The following DYNC2H1 variants were observed in gnomAD, a reference collection of about 807,000 sequenced individuals.
The protein encoded by DYNC2H1 is cytoplasmic dynein 2 heavy chain 1.
A neutral mutation model predicts 570.0 loss-of-function variants in DYNC2H1; 410 were observed. The observed-to-expected ratio is 0.72, with a 90% confidence interval of 0.66 to 0.78. DYNC2H1 has a LOEUF of 0.78. Ranked by LOEUF, DYNC2H1 falls within the 30% of genes least tolerant of loss-of-function variation. DYNC2H1 has a pLI of 0.00. For missense variants in DYNC2H1, 4,865 were observed against 5,046.4 expected (o/e 0.96, Z 1.09); for synonymous variants, 1,688 against 1,677.6 (o/e 1.01, Z -0.15).
chr11:103,342,578 C>T (rs989695087), intron 82 of DYNC2H1, among the ~76,000 whole-genome samples: 11 of 151,566 alleles, frequency 7.3e-5, no homozygotes, highest in African/African-American at 2.7e-4. Context: ...TCTCGGCTCA[C>T]TGCAAGCTCC....
In DYNC2H1 at chr11:103,321,080, T is replaced by C; in HGVS notation, c.11777T>C (p.Ile3926Thr). The change falls in exon 81 of 89, where the codon ATT becomes ACT. Residue 3926 changes from isoleucine to threonine, a missense_variant. This residue lies in a region of DYNC2H1 where 2,401 missense variants were observed against 2,454.6 expected (regional missense o/e 0.98). Transcript: ENST00000375735. The part of the protein sequence containing the change: ...EFVHGLLENA[I>T]YGGRIDNYFD... The stretch of plus-strand genomic sequence containing the variant: ...GTACATGGTTTACTTGAAAATGCTA[T>C]TTATGGAGGACGTATAGACAACTAT... 6.2e-7 allele frequency: 1 copy of C among 1,612,878 alleles called. No homozygotes were observed. Among genetic ancestry groups the C allele is most frequent in the Non-Finnish European group, 8.5e-7 (1 of 1,179,392 alleles).
chr11:103,347,976 G>A (rs1472701211), intron 82 of DYNC2H1, among the ~76,000 whole-genome samples: 1 of 152,146 alleles, frequency 6.6e-6, no homozygotes, highest in Admixed American at 6.6e-5. Context: ...GGAAGTCGGT[G>A]ATTGCCTAGT....
intron 70 of DYNC2H1, among the ~76,000 whole-genome samples, chr11:103,278,034 T>G (rs1232327306): frequency 6.6e-6 from 1 of 152,184 alleles, no homozygotes; most frequent in African/African-American, 2.4e-5. Flanking sequence ...TGTTTTCCTC[T>G]AAGGCAGCCA....
Position 103,179,232 on chromosome 11 carries a change from A to C in DYNC2H1, c.6346A>C (p.Ser2116Arg), listed in dbSNP as rs1363948956. The C allele has an allele frequency of 3.7e-6, 6 of 1,612,428 alleles. No individual in the cohort carries two copies. The highest frequency in any genetic ancestry group is 5.1e-6 in the Non-Finnish European group (6 of 1,178,824). The change falls in exon 39 of 89, where the codon AGT becomes CGT. Residue 2116 changes from serine to arginine, a missense_variant and splice_region_variant. Physicochemically the swap from Ser to Arg is moderately radical, Grantham distance 110 (BLOSUM62 -1). Transcript: ENST00000375735. The part of the protein sequence containing the change: ...TISRMGMIFL[S>R]DEETDLNSLI... ...ATCTAGAATGGGAATGATCTTTCTT[A>C]GGTAAGCCATAGATTATTTATATAC...
At chr11:103,311,214 T>C (rs1867572818) in intron 78 of DYNC2H1, among the ~76,000 whole-genome samples, 1 of 152,178 alleles carries the variant, frequency 6.6e-6, no homozygotes, top group Admixed American at 6.5e-5. Context: ...TTTTTTAATA[T>C]TAGAATTCTT....
Position 103,277,176 on chromosome 11 carries a change from CA to C in DYNC2H1, c.10696-3171del, listed in dbSNP as rs1865946947. Among the ~76,000 whole-genome samples, 1 of 151,970 alleles carries C rather than the reference CA, an allele frequency of 6.6e-6. No homozygotes were observed. Among genetic ancestry groups the C allele is most frequent in the Non-Finnish European group, 1.5e-5 (1 of 67,966 alleles). On this transcript the variant is annotated intron_variant, in intron 70 of 88. Coordinates refer to ENST00000375735, the MANE Select transcript of DYNC2H1 (RefSeq NM_001377.3). The surrounding 1 kb of genome is among the most constrained non-coding windows in gnomAD (Gnocchi z 4.3). Reference sequence around the variant, plus strand: ...TTACCCCCTTTTAGACCTTATATAACAGGTGTTAAAAATTTGGTTTTATTCT... The same window carrying C: ...TTACCCCCTTTTAGACCTTATATAACGGTGTTAAAAATTTGGTTTTATTCT...
At chr11:103,434,069 C>T (rs1186012255) in intron 84 of DYNC2H1, among the ~76,000 whole-genome samples, 1 of 152,066 alleles carries the variant, frequency 6.6e-6, no homozygotes, top group Non-Finnish European at 1.5e-5. Flanking sequence ...TGGATTCTAA[C>T]CTCTGAATTA....
intron 84 of DYNC2H1, among the ~76,000 whole-genome samples, chr11:103,424,519 A>G (rs1021222450): frequency 5.3e-5 from 8 of 152,184 alleles, no homozygotes; most frequent in Non-Finnish European, 1.0e-4. Context: ...TGAATGTTCA[A>G]AGCAACTTAA....
chr11:103,449,097 T>C (rs1944516048), intron 85 of DYNC2H1, among the ~76,000 whole-genome samples: 1 of 152,142 alleles, frequency 6.6e-6, no homozygotes, highest in South Asian at 2.1e-4. Flanking sequence ...CAGGTAAATG[T>C]CTGGTAGAAG....
chr11:103,347,226 G>A (rs1277411561), intron 82 of DYNC2H1, among the ~76,000 whole-genome samples: 1 of 152,106 alleles, frequency 6.6e-6, no homozygotes, highest in Non-Finnish European at 1.5e-5. Context: ...AGGCAAAAGA[G>A]GCAAGCGAGA....
At chr11:103,342,664 G>A (rs1414744356) in intron 82 of DYNC2H1, among the ~76,000 whole-genome samples, 5 of 151,914 alleles carry the variant, frequency 3.3e-5, no homozygotes, top group Non-Finnish European at 5.9e-5. Context: ...CACCATGCCC[G>A]GCTAATTTTT....
intron 78 of DYNC2H1, among the ~76,000 whole-genome samples, chr11:103,309,993 A>G (rs1390496762): frequency 6.6e-6 from 1 of 152,130 alleles, no homozygotes; most frequent in Non-Finnish European, 1.5e-5. Flanking sequence ...AATTTTAACT[A>G]TCTTAGCTTA....
Position 103,304,686 on chromosome 11 carries a change from A to G in DYNC2H1, c.11348A>G (p.His3783Arg). ...NGDWLCLKNL[H>R]LVVSWLPVLE... ...GACTGGCTCTGTTTGAAGAACTTAC[A>G]TCTTGTGGTATCTTGGCTGCCAGTT... Residue 3783 changes from histidine to arginine, a missense_variant, in exon 77 of 89, where the codon CAT becomes CGT. Transcript: ENST00000375735. The G allele has an allele frequency of 1.2e-6, 2 of 1,613,034 alleles. No individual in the cohort carries two copies. Among genetic ancestry groups the G allele is most frequent in the Non-Finnish European group, 1.7e-6 (2 of 1,179,306 alleles).
rs539715845 is a variant in DYNC2H1, at chr11:103,186,779, G to A, written c.6893+278G>A. 8.5e-4 allele frequency among the ~76,000 whole-genome samples: 122 copies of A among 143,692 alleles called. No individual in the cohort carries two copies. Among genetic ancestry groups the A allele is most frequent in the African/African-American group, 2.8e-3 (111 of 39,242 alleles). 94.3% of individuals were successfully genotyped at this position (143,692 alleles called of 152,430 possible). ...ATACAGCAAAAAAAAAAAAAAGAATGCCTTATATATACTCACACACCATTT... is the reference window on the plus strand; with the variant it reads ...ATACAGCAAAAAAAAAAAAAAGAATACCTTATATATACTCACACACCATTT... On this transcript the variant is annotated intron_variant, in intron 42 of 88. Transcript: ENST00000375735. This position sits in a 1 kb window ranked among gnomAD's most constrained non-coding sequence, Gnocchi z 4.5.
intron 5 of DYNC2H1, 88 bp downstream of exon 5, chr11:103,116,802 T>C: frequency 1.7e-6 from 2 of 1,210,090 alleles, no homozygotes; most frequent in Admixed American, 4.8e-5. Flanking sequence ...CTTAAAATGC[T>C]CCTTTATGTA....
In DYNC2H1 at chr11:103,319,867, T is replaced by A. The variant is rs944274316; in HGVS notation, c.11726-1162T>A. Among the ~76,000 whole-genome samples the A allele has an allele frequency of 2.0e-5, 3 of 152,120 alleles. No homozygotes were observed. Among genetic ancestry groups the A allele is most frequent in the Admixed American group, 6.5e-5 (1 of 15,274 alleles). On this transcript the variant is annotated intron_variant, in intron 80 of 88. Transcript: ENST00000375735. The surrounding 1 kb of genome is among the most constrained non-coding windows in gnomAD (Gnocchi z 4.3). ...GGACAACTAGAAATTTGAGTCCTGG[T>A]GAAGTCCTTTGTTTAGTCACTGTTG...
rs1347184606 is a variant in DYNC2H1 at position 103,472,084 on chromosome 11, C to T, written c.12765+3379C>T. ...AAAAGAGCTTAGGATATTCTGGGAA[C>T]AGCAAGTATTGTACATCTGGAGGGT... On this transcript the variant is annotated intron_variant, in intron 88 of 88. Coordinates refer to ENST00000375735, the MANE Select transcript of DYNC2H1 (RefSeq NM_001377.3). This position sits in a 1 kb window ranked among gnomAD's most constrained non-coding sequence, Gnocchi z 4.1. Among the ~76,000 whole-genome samples the T allele has an allele frequency of 6.6e-6, 1 of 152,158 alleles. No individual in the cohort carries two copies. The highest frequency in any genetic ancestry group is 1.9e-4 in the East Asian group (1 of 5,196).
Position 103,249,678 on chromosome 11 carries a change from A to G in DYNC2H1, c.10043-3607A>G, listed in dbSNP as rs1314556338. Among the ~76,000 whole-genome samples, 7 of 152,158 alleles carry G rather than the reference A, an allele frequency of 4.6e-5. No homozygotes were observed. The East Asian group carries it at 1.2e-3, about 25-fold the overall frequency. The stretch of plus-strand genomic sequence containing the variant: ...ACTTTGTGTACTCCTGTTGAACATA[A>G]ATCATTTCATAAAACACCAACATCA... On this transcript the variant is annotated intron_variant, in intron 65 of 88. Coordinates refer to ENST00000375735, the MANE Select transcript of DYNC2H1 (RefSeq NM_001377.3). The surrounding 1 kb of genome is among the most constrained non-coding windows in gnomAD (Gnocchi z 4.6).
Position 103,178,841 on chromosome 11 carries a change from A to T in DYNC2H1, c.6140-185A>T, listed in dbSNP as rs931058869. ...AATTGCCTATTTTGTATGTTTATAG[A>T]TAAAGTATTATTACATGATATATAT... is the stretch of plus-strand genomic sequence containing the variant. On this transcript the variant is annotated intron_variant, in intron 38 of 88. Transcript: ENST00000375735. Among the ~76,000 whole-genome samples, 86 of 152,166 alleles carry T rather than the reference A, an allele frequency of 5.7e-4. 1 individual carries two copies. Among genetic ancestry groups the T allele is most frequent in the African/African-American group, 2.0e-3 (85 of 41,560 alleles).
Sources: allele counts gnomAD v4.1 joint callset (sites outside exome capture counted in the v4.1 genomes callset), GRCh38; gene constraint gnomAD v4.1.1; regional missense constraint gnomAD v4.1.1; non-coding constraint Gnocchi (gnomAD v3.1); transcripts MANE v1.5; gene names NCBI Gene and HGNC (gene_info 2026-07-23, HGNC 2026-07-21).